RAD51C: variants seen among roughly 807,000 people sequenced by gnomAD.
The protein encoded by RAD51C is DNA repair protein RAD51 homolog 3.
Under a neutral mutation model 45.0 loss-of-function variants are expected in RAD51C, and 42 were observed. The observed-to-expected ratio is 0.93, with a 90% CI of 0.73 to 1.21. The LOEUF is 1.21. RAD51C is among the 50% of genes most tolerant of loss of function. The probability of loss-of-function intolerance (pLI) is 0.00; values close to 1 mark genes in which losing one functional copy is unlikely to be tolerated. For synonymous variants in RAD51C, 172 were observed against 159.8 expected (o/e 1.08, Z -0.58); for missense variants, 474 against 452.2 (o/e 1.05, Z -0.44).
intron 5 of RAD51C, among the ~76,000 whole-genome samples, chr17:58,713,976 GTC>G (rs759978971): frequency 2.6e-4 from 40 of 151,138 alleles, no homozygotes; most frequent in Admixed American, 1.5e-3. Flanking sequence ...CTTATTGATG[GTC>G]TCTCTCTTTT....
intron 3 of RAD51C, among the ~76,000 whole-genome samples, chr17:58,697,194 A>G (rs2048048154): frequency 6.6e-6 from 1 of 152,188 alleles, no homozygotes. Context: ...ATGCTTTCCA[A>G]TGTATAAGGA....
chr17:58,697,382 C>G (rs2048054764), intron 3 of RAD51C, among the ~76,000 whole-genome samples: 1 of 151,596 alleles, frequency 6.6e-6, no homozygotes, highest in South Asian at 2.1e-4. Flanking sequence ...CTAAAAATAC[C>G]AAAATTAGCC....
At chr17:58,716,205 T>C (rs1210723025) in intron 5 of RAD51C, among the ~76,000 whole-genome samples, 1 of 152,100 alleles carries the variant, frequency 6.6e-6, no homozygotes, top group Non-Finnish European at 1.5e-5. Context: ...AAAAGTAATA[T>C]AATTGCTATA....
chr17:58,700,335 C>G (rs1004855882), intron 3 of RAD51C: 4 of 152,146 alleles, frequency 2.6e-5, no homozygotes, highest in African/African-American at 9.7e-5. Flanking sequence ...TTCCCTTATA[C>G]CTTAAAGCTA....
chr17:58,707,622 C>G (rs1371115339), intron 4 of RAD51C, among the ~76,000 whole-genome samples: 2 of 152,026 alleles, frequency 1.3e-5, no homozygotes, highest in Admixed American at 1.3e-4. Flanking sequence ...ATTTGAAAAT[C>G]ACTTCCACAT....
chr17:58,714,192 C>T (rs1470341073), intron 5 of RAD51C, among the ~76,000 whole-genome samples: 2 of 152,008 alleles, frequency 1.3e-5, no homozygotes, highest in African/African-American at 4.8e-5. Flanking sequence ...ACCATGTTGG[C>T]CAGGCTGGTC....
chr17:58,699,037 C>T (rs928558390), intron 3 of RAD51C, among the ~76,000 whole-genome samples: 3 of 151,766 alleles, frequency 2.0e-5, no homozygotes, highest in Admixed American at 6.6e-5. Context: ...GATGGAGTTG[C>T]GCTCTGTCAC....
Position 58,734,943 on chromosome 17 carries a change from T to C in RAD51C, c.*721T>C, listed in dbSNP as rs1323583447. On this transcript the variant is annotated 3_prime_UTR_variant, in exon 9 of 9. Transcript: ENST00000337432. The stretch of plus-strand genomic sequence containing the variant: ...GATAATTCTTTAAAATTACCCGCTT[T>C]TATAATTATAAAAGAGAAGCCAGCA... 2 of 152,196 alleles carry C rather than the reference T, an allele frequency of 1.3e-5. No homozygotes were observed. Among genetic ancestry groups the C allele is most frequent in the Non-Finnish European group, 2.9e-5 (2 of 68,154 alleles). The allele number at this position is 152,196 out of a possible 1,614,324, so 9.4% of individuals were successfully genotyped here.
intron 5 of RAD51C, among the ~76,000 whole-genome samples, chr17:58,718,364 A>G (rs868361122): frequency 6.6e-6 from 1 of 152,206 alleles, no homozygotes; most frequent in South Asian, 2.1e-4. Context: ...ACTGCTTTTC[A>G]TGGAATTTCA....
chr17:58,692,607 G>C lies in RAD51C; in HGVS notation c.-37G>C, dbSNP rs757856869. On this transcript the variant is annotated 5_prime_UTR_variant, in exon 1 of 9. Coordinates refer to ENST00000337432, the MANE Select transcript of RAD51C (RefSeq NM_058216.3). Reference sequence around the variant, plus strand: ...CCGCACGCCCCAGCGAGGGCGTGCGGAGTTTGGCTGCTCCGGGGTTAGCAG... The same window carrying C: ...CCGCACGCCCCAGCGAGGGCGTGCGCAGTTTGGCTGCTCCGGGGTTAGCAG... 3.7e-6 allele frequency: 6 copies of C among 1,612,746 alleles called. No homozygotes were observed. The highest frequency in any genetic ancestry group is 3.4e-6 in the Non-Finnish European group (4 of 1,179,982).
intron 7 of RAD51C, among the ~76,000 whole-genome samples, chr17:58,727,161 T>G (rs1328352820): frequency 1.4e-5 from 2 of 140,572 alleles, no homozygotes; most frequent in Non-Finnish European, 3.1e-5. Flanking sequence ...TTTCGCTCTT[T>G]TTGCCCAGGC....
intron 2 of RAD51C, among the ~76,000 whole-genome samples, chr17:58,696,462 C>G (rs1421945949): frequency 6.6e-6 from 1 of 152,080 alleles, no homozygotes; most frequent in Non-Finnish European, 1.5e-5. Flanking sequence ...ATAAAATATC[C>G]TTAATCTTGG....
At position 58,692,771 on chromosome 17, in the gene RAD51C, C is replaced by T. The variant is rs766958594; in HGVS notation, c.128C>T (p.Pro43Leu). 1.9e-6 allele frequency: 3 copies of T among 1,614,208 alleles called. No homozygotes were observed. The highest frequency in any genetic ancestry group is 4.5e-5 in the East Asian group (2 of 44,878). ...QTAEELLEVK[P>L]SELSKEVGIS... Reference sequence around the variant, plus strand: ...GCTGAGGAACTCCTAGAGGTGAAACCCTCCGAGCTTAGCAAAGGTAACGAC... The same window carrying T: ...GCTGAGGAACTCCTAGAGGTGAAACTCTCCGAGCTTAGCAAAGGTAACGAC... Residue 43 changes from proline to leucine, a missense_variant, in exon 1 of 9, where the codon CCC (proline) becomes CTC (leucine). Coordinates refer to ENST00000337432, the MANE Select transcript of RAD51C (RefSeq NM_058216.3).
intron 7 of RAD51C, among the ~76,000 whole-genome samples, chr17:58,728,070 G>A (rs1239054143): frequency 6.6e-6 from 1 of 151,808 alleles, no homozygotes; most frequent in Admixed American, 6.6e-5. Flanking sequence ...TGGGGAAACT[G>A]TGTCTCTACT....
chr17:58,705,005 C>T (rs1173840037), intron 4 of RAD51C, among the ~76,000 whole-genome samples: 1 of 151,752 alleles, frequency 6.6e-6, no homozygotes, highest in Non-Finnish European at 1.5e-5. Context: ...TTGGCATGCA[C>T]CTGTGATCCC....
intron 4 of RAD51C, among the ~76,000 whole-genome samples, chr17:58,705,061 G>A (rs2048332849): frequency 6.6e-6 from 1 of 151,800 alleles, no homozygotes; most frequent in African/African-American, 2.4e-5. Flanking sequence ...AACCTGGGAA[G>A]CAGAGGTTGC....
rs534063849 is a variant in RAD51C, at chr17:58,708,014, T to G, written c.706-1845T>G. Among the ~76,000 whole-genome samples the G allele has an allele frequency of 2.0e-5, 3 of 152,250 alleles. 1 individual carries two copies. The South Asian group carries it at 6.2e-4, about 32-fold the overall frequency. On this transcript the variant is annotated intron_variant, in intron 4 of 8. Transcript: ENST00000337432. ...TAATTACTACCTTAGAGGCCCTCTC[T>G]CCAAATACAGTCACACTGGGAGATA...
At chr17:58,704,898 T>TTAAA (rs2048326206) in intron 4 of RAD51C, among the ~76,000 whole-genome samples, 1 of 151,894 alleles carries the variant, frequency 6.6e-6, no homozygotes, top group African/African-American at 2.4e-5. Flanking sequence ...TTTTATTTAT[T>TTAAA]TTAATTAATT....
chr17:58,701,258 C>T (rs1273733323), intron 3 of RAD51C, among the ~76,000 whole-genome samples: 1 of 151,670 alleles, frequency 6.6e-6, no homozygotes, highest in Non-Finnish European at 1.5e-5. Context: ...CCTGTAATCC[C>T]AGCACTTCGG....
Sources: allele counts gnomAD v4.1 joint callset (sites outside exome capture counted in the v4.1 genomes callset), GRCh38; gene constraint gnomAD v4.1.1; transcripts MANE v1.5; gene names NCBI Gene and HGNC (gene_info 2026-07-23, HGNC 2026-07-21).